Variants in DUSP29 observed in about 807,000 individuals in gnomAD.
The protein encoded by DUSP29 is atypical dual-specific protein phosphatase.
Under a neutral mutation model 13.5 loss-of-function variants are expected in DUSP29, and 12 were observed. The ratio of observed to expected loss-of-function variants is 0.89; its 90% CI spans 0.57 to 1.44. DUSP29 has a LOEUF of 1.44. Among genes scored for constraint, DUSP29 ranks in the 40% most tolerant of loss-of-function variants. DUSP29 has a pLI of 0.00. For missense variants in DUSP29, 308 were observed against 301.1 expected, an observed-to-expected ratio of 1.02 and a Z score of -0.17; for synonymous variants, 134 against 128.7, an observed-to-expected ratio of 1.04 and a Z score of -0.28.
In DUSP29 at chr10:75,046,123, GAAAAGAA is replaced by G. The variant is rs1395901964; in HGVS notation, c.201-2113_201-2107del. On this transcript the variant is annotated intron_variant, in intron 2 of 3. Transcript: ENST00000338487. ...AGAGACTCTGTCTTTAAAAAAAAAA[GAAAAGAA>G]AAAAGAAAGAAAGAAAAAGAAAAAT... 6.0e-5 allele frequency among the ~76,000 whole-genome samples: 9 copies of G among 151,098 alleles called. No individual in the cohort carries two copies. In the East Asian group the frequency reaches 1.8e-3, roughly 30 times the overall value.
rs757469214 is a variant in DUSP29, at chr10:75,037,885, C to T, written c.614G>A (p.Arg205Gln). 2.7e-5 allele frequency: 44 copies of T among 1,612,724 alleles called. No individual in the cohort carries two copies. The highest frequency in any genetic ancestry group is 1.1e-4 in the African/African-American group (8 of 74,922). ...ELDKQLVQQRRRSQRQDGEEE... is the reference protein window; with the variant it reads ...ELDKQLVQQRQRSQRQDGEEE... ...CTCACCGTCCTGGCGCTGGGACCGT[C>T]GCCTCTGCTGCACCAGCTGCTTGTC... The change falls in exon 4 of 4, where the codon CGA becomes CAA. Residue 205 changes from arginine to glutamine, a missense_variant. Transcript: ENST00000338487.
At chr10:75,055,697 A>G (rs566754319) in intron 2 of DUSP29, among the ~76,000 whole-genome samples, 2 of 152,322 alleles carry the variant, frequency 1.3e-5, no homozygotes, top group East Asian at 3.9e-4. Flanking sequence ...TAAATATAAC[A>G]AAAGCTCTGA....
At chr10:75,061,340 G>A (rs11001266) in intron 1 of DUSP29, among the ~76,000 whole-genome samples, 16,577 of 152,158 alleles carry the variant, frequency 0.11, 1,193 homozygotes, top group South Asian at 0.27. Context: ...TAGGGATTGT[G>A]GGAAGCCAGG....
At chr10:75,051,928 G>A (rs1394007837) in intron 2 of DUSP29, among the ~76,000 whole-genome samples, 1 of 152,192 alleles carries the variant, frequency 6.6e-6, no homozygotes, top group Non-Finnish European at 1.5e-5. Context: ...CTTGTTAAGT[G>A]AGTGTCACAG....
intron 3 of DUSP29, among the ~76,000 whole-genome samples, chr10:75,042,285 C>T (rs1846602571): frequency 1.3e-5 from 2 of 152,238 alleles, no homozygotes; most frequent in African/African-American, 2.4e-5. Flanking sequence ...TCTCCGAAGC[C>T]TGCCAGGCCC....
chr10:75,065,627 C>A (rs1441642968), intron 1 of DUSP29, among the ~76,000 whole-genome samples: 1 of 152,132 alleles, frequency 6.6e-6, no homozygotes, highest in East Asian at 1.9e-4. Flanking sequence ...CCGCGCCCAG[C>A]CATCTTAATA....
At chr10:75,038,636 A>G (rs1846519367) in intron 3 of DUSP29, among the ~76,000 whole-genome samples, 1 of 144,998 alleles carries the variant, frequency 6.9e-6, no homozygotes, top group South Asian at 2.3e-4. Flanking sequence ...TGAAAGCTGT[A>G]GTTCATTAAG....
At chr10:75,060,137 G>A (rs1434750092) in intron 1 of DUSP29, among the ~76,000 whole-genome samples, 1 of 151,648 alleles carries the variant, frequency 6.6e-6, no homozygotes, top group African/African-American at 2.4e-5. Context: ...TCCAGCCTGG[G>A]CAACAAGAGT....
chr10:75,065,656 A>G (rs976448344), intron 1 of DUSP29, among the ~76,000 whole-genome samples: 1 of 151,486 alleles, frequency 6.6e-6, no homozygotes, highest in East Asian at 1.9e-4. Flanking sequence ...AGCCACATAC[A>G]GGCTTCTTGC....
intron 2 of DUSP29, among the ~76,000 whole-genome samples, chr10:75,050,633 C>T (rs559199363): frequency 6.6e-6 from 1 of 152,272 alleles, no homozygotes; most frequent in East Asian, 1.9e-4. Flanking sequence ...GGTGGCCACC[C>T]ACACACAGTG....
intron 3 of DUSP29, among the ~76,000 whole-genome samples, chr10:75,040,036 C>G (rs2134279528): frequency 6.6e-6 from 1 of 152,108 alleles, no homozygotes. Context: ...CAAAAATTCA[C>G]CAGGTGTGGT....
At chr10:75,049,667 C>G (rs538027270) in intron 2 of DUSP29, among the ~76,000 whole-genome samples, 1 of 152,360 alleles carries the variant, frequency 6.6e-6, no homozygotes, top group Admixed American at 6.5e-5. Flanking sequence ...CCACCCACAC[C>G]TCGAAGAAGC....
chr10:75,063,070 T>A (rs1340488141), intron 1 of DUSP29, among the ~76,000 whole-genome samples: 2 of 152,090 alleles, frequency 1.3e-5, no homozygotes, highest in Non-Finnish European at 2.9e-5. Context: ...TGTTAAAAAG[T>A]AAACAAACAA....
chr10:75,070,006 T>C (rs1972997), intron 1 of DUSP29, among the ~76,000 whole-genome samples: 80,017 of 145,826 alleles, frequency 0.55, 25,091 homozygotes, highest in East Asian at 0.96. Context: ...GCCAAGATCA[T>C]GCCACTGCAC....
intron 2 of DUSP29, among the ~76,000 whole-genome samples, chr10:75,052,001 G>A (rs1029114617): frequency 1.3e-5 from 2 of 152,208 alleles, no homozygotes; most frequent in Non-Finnish European, 2.9e-5. Flanking sequence ...GGGGTGTAAA[G>A]TCTCACACAC....
At chr10:75,039,416 G>GGAGGCA (rs1846538889) in intron 3 of DUSP29, among the ~76,000 whole-genome samples, 1 of 152,096 alleles carries the variant, frequency 6.6e-6, no homozygotes, top group Non-Finnish European at 1.5e-5. Flanking sequence ...CTCAGGAGGC[G>GGAGGCA]GAGGCAGGAG....
At chr10:75,064,830 G>A (rs1847162706) in intron 1 of DUSP29, among the ~76,000 whole-genome samples, 2 of 151,072 alleles carry the variant, frequency 1.3e-5, no homozygotes, top group Admixed American at 6.6e-5. Flanking sequence ...TTTTAACTAG[G>A]AAAAAAATAC....
At chr10:75,072,238 C>G (rs951571179) in intron 1 of DUSP29, among the ~76,000 whole-genome samples, 2 of 152,188 alleles carry the variant, frequency 1.3e-5, no homozygotes, top group African/African-American at 4.8e-5. Context: ...CGCCTATAGA[C>G]AGCAAACTAA....
At chr10:75,057,349 T>C (rs1259990849) in intron 2 of DUSP29, among the ~76,000 whole-genome samples, 1 of 152,020 alleles carries the variant, frequency 6.6e-6, no homozygotes, top group African/African-American at 2.4e-5. Context: ...CTGCATCTGC[T>C]CCTTGGTGAG....
Sources: gnomAD v4.1 joint callset for allele counts (sites outside exome capture counted in the v4.1 genomes callset) on GRCh38, gnomAD v4.1.1 for gene constraint, MANE v1.5 for transcripts, NCBI Gene and HGNC (gene_info 2026-07-23, HGNC 2026-07-21) for gene names.